ROBO1: variants seen among roughly 807,000 people sequenced by gnomAD.
The protein encoded by ROBO1 is roundabout guidance receptor 1.
ROBO1 carries 149 observed loss-of-function variants against 195.9 expected under a neutral mutation model. That is an observed-to-expected ratio of 0.76 (90% CI 0.67 to 0.87). ROBO1 has a LOEUF of 0.87. Among genes scored for constraint, ROBO1 ranks in the 40% least tolerant of loss-of-function variants. The pLI, the probability that ROBO1 is intolerant of heterozygous loss-of-function variation, is 0.00. For missense variants in ROBO1, 1,933 were observed against 2,068.3 expected (o/e 0.93, Z 1.27); for synonymous variants, 816 against 733.2 (o/e 1.11, Z -1.82).
At chr3:79,430,778 G>A (rs1055219066) in intron 2 of ROBO1, among the ~76,000 whole-genome samples, 1 of 152,054 alleles carries the variant, frequency 6.6e-6, no homozygotes, top group African/African-American at 2.4e-5. Flanking sequence ...AATGAGAAAA[G>A]CTTGAATACA....
At chr3:79,448,563 G>T (rs2039342053) in intron 2 of ROBO1, among the ~76,000 whole-genome samples, 2 of 151,972 alleles carry the variant, frequency 1.3e-5, no homozygotes, top group Non-Finnish European at 2.9e-5. Context: ...CCTATGATAG[G>T]GTAATCCCCG....
chr3:79,261,636 T>C (rs2082940075), intron 2 of ROBO1, among the ~76,000 whole-genome samples: 2 of 152,028 alleles, frequency 1.3e-5, no homozygotes, highest in South Asian at 4.1e-4. Flanking sequence ...CCAAATGTAG[T>C]AGGCCGTCTG....
chr3:78,670,073 C>T (rs543455817), intron 11 of ROBO1, 23 bp downstream of exon 11: 23 of 1,549,624 alleles, frequency 1.5e-5, no homozygotes, highest in East Asian at 1.4e-4. Context: ...AAACAAGAAA[C>T]GCAAGGTGCC....
chr3:79,185,446 T>C (rs1013005462), intron 2 of ROBO1, among the ~76,000 whole-genome samples: 1 of 152,182 alleles, frequency 6.6e-6, no homozygotes, highest in Non-Finnish European at 1.5e-5. Context: ...AGAGATACTA[T>C]TTATGTCGTT....
At chr3:79,395,495 A>C (rs2037124357) in intron 2 of ROBO1, among the ~76,000 whole-genome samples, 1 of 151,998 alleles carries the variant, frequency 6.6e-6, no homozygotes, top group South Asian at 2.1e-4. Flanking sequence ...TATATGTAGA[A>C]ATTTCTGAAA....
chr3:79,041,200 A>G (rs540496240), intron 3 of ROBO1, among the ~76,000 whole-genome samples: 1 of 152,290 alleles, frequency 6.6e-6, no homozygotes, highest in African/African-American at 2.4e-5. Context: ...AATCCCTTAT[A>G]CTTTCATTTA....
chr3:78,981,285 T>C (rs918574514), intron 3 of ROBO1, among the ~76,000 whole-genome samples: 1 of 152,094 alleles, frequency 6.6e-6, no homozygotes, highest in East Asian at 1.9e-4. Context: ...AATGTTAAGA[T>C]CTTACACAAA....
chr3:79,248,706 T>C (rs1444941696), intron 2 of ROBO1, among the ~76,000 whole-genome samples: 3 of 151,882 alleles, frequency 2.0e-5, no homozygotes, highest in Non-Finnish European at 2.9e-5. Context: ...AAGATGAGAG[T>C]GGTTTGCTCT....
At chr3:78,644,811 A>C (rs2107586586) in intron 21 of ROBO1, among the ~76,000 whole-genome samples, 1 of 152,296 alleles carries the variant, frequency 6.6e-6, no homozygotes, top group African/African-American at 2.4e-5. Context: ...ACTTGTGTAC[A>C]CACACCCACG....
chr3:79,371,208 G>A (rs904572012), intron 2 of ROBO1, among the ~76,000 whole-genome samples: 5 of 152,046 alleles, frequency 3.3e-5, no homozygotes, highest in African/African-American at 9.7e-5. Context: ...AACCAGTAAC[G>A]AGATTACTGG....
intron 2 of ROBO1, among the ~76,000 whole-genome samples, chr3:79,285,520 T>G (rs775343770): frequency 2.6e-5 from 4 of 152,216 alleles, no homozygotes; most frequent in African/African-American, 4.8e-5. Flanking sequence ...GTCATGGTCA[T>G]GCCTTGCCTG....
rs367544282 is a variant in ROBO1, at chr3:79,324,012, T to G, written c.89-198473A>C. On this transcript the variant is annotated intron_variant, in intron 2 of 30. Coordinates refer to ENST00000464233, the MANE Select transcript of ROBO1 (RefSeq NM_002941.4). ...ACCAACTGCAGTGGTCAAAAATAAG[T>G]TTTTTTTTTAACTGTGAAATTTTAA... Among the ~76,000 whole-genome samples, 4 of 149,806 alleles carry G rather than the reference T, an allele frequency of 2.7e-5. No individual in the cohort carries two copies. In the East Asian group the frequency reaches 5.8e-4, roughly 22 times the overall value.
chr3:78,871,742 CAAAAAAAA>C (rs71127366), intron 4 of ROBO1, among the ~76,000 whole-genome samples: 57 of 111,384 alleles, frequency 5.1e-4, no homozygotes, highest in Admixed American at 8.5e-4. Context: ...GCTTTCACAG[CAAAAAAAA>C]AAAAAAAAAA....
intron 3 of ROBO1, among the ~76,000 whole-genome samples, chr3:78,974,765 A>G (rs1415599773): frequency 6.6e-6 from 1 of 152,132 alleles, no homozygotes; most frequent in Non-Finnish European, 1.5e-5. Flanking sequence ...CATACCTAAT[A>G]TAAACTAACA....
chr3:78,634,554 T>C, intron 23 of ROBO1: 1 of 322,892 alleles, frequency 3.1e-6, no homozygotes, highest in South Asian at 2.5e-5. Context: ...ACAAGCAGTA[T>C]AAACAATAAA....
At chr3:78,705,585 C>T (rs1404343004) in intron 8 of ROBO1, among the ~76,000 whole-genome samples, 4 of 152,114 alleles carry the variant, frequency 2.6e-5, no homozygotes, top group Non-Finnish European at 5.9e-5. Flanking sequence ...TTTTATGTGT[C>T]CATTTGAGTG....
At chr3:79,569,298 C>A (rs1205277893) in intron 2 of ROBO1, among the ~76,000 whole-genome samples, 3 of 152,156 alleles carry the variant, frequency 2.0e-5, no homozygotes, top group Admixed American at 2.0e-4. Context: ...GAAACTCAAG[C>A]TAACAAATAT....
intron 19 of ROBO1, among the ~76,000 whole-genome samples, chr3:78,648,324 T>A (rs1446489005): frequency 6.6e-6 from 1 of 152,086 alleles, no homozygotes. Flanking sequence ...AACTTGTGAA[T>A]GGACAGAAAA....
At chr3:79,701,364 A>G (rs899786959) in intron 1 of ROBO1, among the ~76,000 whole-genome samples, 6 of 151,688 alleles carry the variant, frequency 4.0e-5, no homozygotes, top group Admixed American at 1.3e-4. Context: ...CTGTGAAAAA[A>G]TGATATCCTT....
Sources: allele counts gnomAD v4.1 joint callset (sites outside exome capture counted in the v4.1 genomes callset), GRCh38; gene constraint gnomAD v4.1.1; transcripts MANE v1.5; gene names NCBI Gene and HGNC (gene_info 2026-07-23, HGNC 2026-07-21).